ZFPM2: variants seen among roughly 807,000 people sequenced by gnomAD.
The protein encoded by ZFPM2 is zinc finger protein, FOG family member 2, also known as zinc finger protein ZFPM2.
Under a neutral mutation model 98.6 loss-of-function variants are expected in ZFPM2, and 20 were observed. The ratio of observed to expected loss-of-function variants is 0.20; its 90% CI spans 0.14 to 0.29. The LOEUF (loss-of-function observed/expected upper bound fraction) is 0.29, where lower values mean the gene tolerates loss of function less well. Among genes scored for constraint, ZFPM2 ranks in the 10% least tolerant of loss-of-function variants. ZFPM2 has a pLI of 1.00. For missense variants in ZFPM2, 1,310 were observed against 1,388.6 expected, an observed-to-expected ratio of 0.94 and a Z score of 0.90; for synonymous variants, 518 against 502.7, an observed-to-expected ratio of 1.03 and a Z score of -0.41.
At chr8:105,621,891 C>T (rs1816559184) in intron 4 of ZFPM2, among the ~76,000 whole-genome samples, 1 of 151,918 alleles carries the variant, frequency 6.6e-6, no homozygotes, top group African/African-American at 2.4e-5. Flanking sequence ...GGTGCATGTG[C>T]ACAATGTGCA....
At chr8:105,476,216 A>G (rs1813009741) in intron 3 of ZFPM2, among the ~76,000 whole-genome samples, 1 of 152,066 alleles carries the variant, frequency 6.6e-6, no homozygotes, top group Non-Finnish European at 1.5e-5. Flanking sequence ...GGGGTCCCCA[A>G]CCCCTAGGCC....
At chr8:105,654,924 A>G (rs956777658) in intron 5 of ZFPM2, among the ~76,000 whole-genome samples, 14 of 152,208 alleles carry the variant, frequency 9.2e-5, no homozygotes, top group Admixed American at 6.5e-4. Context: ...AGCCTTTTCT[A>G]TGATATAAAG....
At chr8:105,750,813 A>C (rs1812457459) in intron 5 of ZFPM2, among the ~76,000 whole-genome samples, 1 of 152,080 alleles carries the variant, frequency 6.6e-6, no homozygotes, top group Non-Finnish European at 1.5e-5. Context: ...ATGACATTTT[A>C]AATGTAAATG....
At chr8:105,644,967 C>G (rs1817015145) in intron 5 of ZFPM2, among the ~76,000 whole-genome samples, 1 of 152,154 alleles carries the variant, frequency 6.6e-6, no homozygotes, top group African/African-American at 2.4e-5. Flanking sequence ...ATAACCTCCT[C>G]TGTATCAGTT....
intron 3 of ZFPM2, among the ~76,000 whole-genome samples, chr8:105,527,044 T>G (rs1586437000): frequency 6.6e-6 from 1 of 152,136 alleles, no homozygotes. Context: ...GAGGAAAGAC[T>G]ACTTGCAAAT....
rs1215643218 is a variant in ZFPM2, at chr8:105,798,725, G to A, written c.741G>A (p.Lys247=). The A allele has an allele frequency of 1.2e-6, 2 of 1,612,688 alleles. No homozygotes were observed. Among genetic ancestry groups the A allele is most frequent in the Non-Finnish European group, 1.7e-6 (2 of 1,179,330 alleles). Residue 247 remains lysine (K), a splice_region_variant and synonymous_variant, in exon 7 of 8, where the codon AAG becomes AAA. Transcript: ENST00000407775. ...TGTCTCTTGTGTTTTTACCTGCAGA[G>A]GATATATTCCCTTGCAAGTCCTGTG... ...ASILPTAIVN[K]DIFPCKSCGI...
At position 105,798,963 on chromosome 8, in the gene ZFPM2, T is replaced by C; in HGVS notation, c.964+15T>C. 3 of 1,601,946 alleles carry C rather than the reference T, an allele frequency of 1.9e-6. No individual in the cohort carries two copies. The South Asian group carries it at 3.3e-5, about 18-fold the overall frequency. ...TTCACACAGTGGTAAATGCCCCTTT[T>C]GTTTCTTCTGTTGCTCCAGAAGACT... On this transcript the variant is annotated intron_variant, in intron 7 of 7. Coordinates refer to ENST00000407775, the MANE Select transcript of ZFPM2 (RefSeq NM_012082.4).
At chr8:105,446,779 A>AT (rs1300650863) in intron 3 of ZFPM2, among the ~76,000 whole-genome samples, 2 of 152,056 alleles carry the variant, frequency 1.3e-5, no homozygotes, top group East Asian at 1.9e-4. Context: ...ATAAATAACA[A>AT]TTTTTTTCTC....
chr8:105,379,800 G>A (rs1266572111), intron 1 of ZFPM2, among the ~76,000 whole-genome samples: 1 of 151,366 alleles, frequency 6.6e-6, no homozygotes, highest in Admixed American at 6.6e-5. Flanking sequence ...AACCAAAACT[G>A]GCCATGAACA....
In ZFPM2 at chr8:105,801,217, T is replaced by G; in HGVS notation, c.1135T>G (p.Leu379Val). ...HFGFQTQREL[L>V]QHQELHVPSG... is the part of the protein sequence containing the mutation. ...CGGCTTCCAGACTCAGAGGGAGTTA[T>G]TGCAGCACCAGGAGCTCCATGTCCC... is the stretch of plus-strand genomic sequence containing the variant. The change falls in exon 8 of 8, where the codon TTG (leucine) becomes GTG (valine). Residue 379 changes from leucine (L) to valine (V), a missense_variant. Leu to Val is a conservative substitution (Grantham distance 32). Transcript: ENST00000407775. The G allele has an allele frequency of 6.2e-7, 1 of 1,613,944 alleles. No individual in the cohort carries two copies. The highest frequency in any genetic ancestry group is 8.5e-7 in the Non-Finnish European group (1 of 1,179,880).
At chr8:105,705,658 C>T (rs1811240467) in intron 5 of ZFPM2, among the ~76,000 whole-genome samples, 1 of 152,076 alleles carries the variant, frequency 6.6e-6, no homozygotes, top group Admixed American at 6.6e-5. Context: ...CAAAATGCAT[C>T]AAAGACTTTG....
At chr8:105,775,570 A>G (rs1813087020) in intron 5 of ZFPM2, among the ~76,000 whole-genome samples, 5 of 152,166 alleles carry the variant, frequency 3.3e-5, no homozygotes, top group Admixed American at 3.3e-4. Context: ...AGTTTATTGC[A>G]AATTATTAGT....
chr8:105,665,927 G>T (rs1396573307), intron 5 of ZFPM2, among the ~76,000 whole-genome samples: 1 of 152,050 alleles, frequency 6.6e-6, no homozygotes, highest in African/African-American at 2.4e-5. Context: ...AAACAAATTT[G>T]TACATATACA....
At chr8:105,653,488 A>G (rs1313393895) in intron 5 of ZFPM2, among the ~76,000 whole-genome samples, 2 of 152,210 alleles carry the variant, frequency 1.3e-5, no homozygotes, top group Non-Finnish European at 2.9e-5. Flanking sequence ...ACTACTTAAC[A>G]CATAATGTGC....
intron 3 of ZFPM2, among the ~76,000 whole-genome samples, chr8:105,540,672 G>C (rs140848447): frequency 1.3e-5 from 2 of 152,026 alleles, no homozygotes; most frequent in South Asian, 4.2e-4. Flanking sequence ...TATGTTGCAC[G>C]TATTTTCGTG....
intron 3 of ZFPM2, among the ~76,000 whole-genome samples, chr8:105,518,398 A>G (rs974539513): frequency 6.6e-6 from 1 of 152,228 alleles, no homozygotes; most frequent in Non-Finnish European, 1.5e-5. Flanking sequence ...TATTCAAATT[A>G]AAGTTTAATT....
chr8:105,674,727 G>A (rs1817656913), intron 5 of ZFPM2, among the ~76,000 whole-genome samples: 1 of 152,152 alleles, frequency 6.6e-6, no homozygotes, highest in South Asian at 2.1e-4. Flanking sequence ...TTGTGAAATT[G>A]TAGTTTGTCA....
intron 3 of ZFPM2, among the ~76,000 whole-genome samples, chr8:105,494,223 A>ATATG (rs1813416016): frequency 8.0e-6 from 1 of 124,242 alleles, no homozygotes; most frequent in Non-Finnish European, 1.7e-5. Context: ...ATATATATAT[A>ATATG]TATAATCTCA....
At chr8:105,554,928 T>A (rs976434514) in intron 3 of ZFPM2, among the ~76,000 whole-genome samples, 4 of 152,170 alleles carry the variant, frequency 2.6e-5, no homozygotes, top group Non-Finnish European at 5.9e-5. Context: ...AAATACAATG[T>A]CTTGATAGCA....
Sources: gnomAD v4.1 joint callset for allele counts (sites outside exome capture counted in the v4.1 genomes callset) on GRCh38, gnomAD v4.1.1 for gene constraint, MANE v1.5 for transcripts, NCBI Gene and HGNC (gene_info 2026-07-23, HGNC 2026-07-21) for gene names.